TAS2R1: variants seen among roughly 807,000 people sequenced by gnomAD.
TAS2R1 encodes taste 2 receptor member 1.
For synonymous variants in TAS2R1, 141 were observed against 134.2 expected, an observed-to-expected ratio of 1.05 and a Z score of -0.35; for missense variants, 370 against 353.4, an observed-to-expected ratio of 1.05 and a Z score of -0.38.
the TAS2R1 span, among the ~76,000 whole-genome samples, chr5:9,891,440 G>A: frequency 8.6e-5 from 13 of 152,034 alleles, no homozygotes; most frequent in Non-Finnish European, 1.6e-4. Context: ...TCCTAACATG[G>A]TAAGTATCTG....
intron 1 of TAS2R1, among the ~76,000 whole-genome samples, chr5:9,660,570 A>T (rs1316522485): frequency 6.6e-6 from 1 of 152,164 alleles, no homozygotes; most frequent in African/African-American, 2.4e-5. Context: ...GCATCCAAAC[A>T]TCCTGTGCCT....
At chr5:9,845,572 C>A in the TAS2R1 span, among the ~76,000 whole-genome samples, 1 of 152,026 alleles carries the variant, frequency 6.6e-6, no homozygotes, top group Non-Finnish European at 1.5e-5. Context: ...AAGTATGGTG[C>A]ATTAATTCAA....
chr5:9,672,193 A>G (rs1038778048), intron 1 of TAS2R1, among the ~76,000 whole-genome samples: 11 of 152,220 alleles, frequency 7.2e-5, no homozygotes, highest in African/African-American at 2.4e-4. Flanking sequence ...AAACCCTTGA[A>G]GATAACCTAG....
the TAS2R1 span, among the ~76,000 whole-genome samples, chr5:9,811,155 C>T: frequency 6.6e-6 from 1 of 152,116 alleles, no homozygotes; most frequent in Non-Finnish European, 1.5e-5. Context: ...CTAAAAGAGG[C>T]CCCAGAGAGC....
At chr5:9,728,559 T>G in the TAS2R1 span, among the ~76,000 whole-genome samples, 8 of 152,304 alleles carry the variant, frequency 5.3e-5, no homozygotes, top group South Asian at 8.3e-4. Flanking sequence ...AAAAATGAAT[T>G]TACCCAAATG....
At chr5:9,794,301 T>C in the TAS2R1 span, among the ~76,000 whole-genome samples, 1 of 152,170 alleles carries the variant, frequency 6.6e-6, no homozygotes, top group Non-Finnish European at 1.5e-5. Flanking sequence ...ATTTATTATA[T>C]TTATAAGAGC....
At chr5:9,793,595 C>A in the TAS2R1 span, among the ~76,000 whole-genome samples, 5 of 152,186 alleles carry the variant, frequency 3.3e-5, no homozygotes, top group African/African-American at 1.2e-4. Context: ...TGCTCCGCTG[C>A]AGTTCTCAGT....
the TAS2R1 span, among the ~76,000 whole-genome samples, chr5:9,882,353 C>T: frequency 2.6e-5 from 4 of 152,052 alleles, no homozygotes; most frequent in East Asian, 1.9e-4. Flanking sequence ...AATGGCTGGG[C>T]GCAGTGGCTC....
At chr5:9,723,010 C>A in the TAS2R1 span, among the ~76,000 whole-genome samples, 1 of 152,194 alleles carries the variant, frequency 6.6e-6, no homozygotes, top group Non-Finnish European at 1.5e-5. Context: ...CTTGAGTGGG[C>A]AACCTGCCTC....
At chr5:9,777,117 G>A in the TAS2R1 span, among the ~76,000 whole-genome samples, 2 of 152,260 alleles carry the variant, frequency 1.3e-5, no homozygotes, top group Admixed American at 1.3e-4. Flanking sequence ...CTGAAGGCTG[G>A]GCTGGCTGTG....
intron 1 of TAS2R1, among the ~76,000 whole-genome samples, chr5:9,710,196 C>A (rs903507612): frequency 6.6e-6 from 1 of 152,124 alleles, no homozygotes. Context: ...CAAAGGATTG[C>A]CTGTCTTCTT....
intron 1 of TAS2R1, among the ~76,000 whole-genome samples, chr5:9,702,855 G>A (rs1041117593): frequency 3.3e-5 from 5 of 151,960 alleles, no homozygotes; most frequent in Admixed American, 6.6e-5. Flanking sequence ...GTCAGATGGA[G>A]GGAGAAAGAA....
chr5:9,632,532 A>G (rs1274676652), upstream of TAS2R1, among the ~76,000 whole-genome samples: 3 of 152,192 alleles, frequency 2.0e-5, no homozygotes, highest in Non-Finnish European at 2.9e-5. Context: ...CCCCAGTAGA[A>G]CTTTCAAAAC....
upstream of TAS2R1, among the ~76,000 whole-genome samples, chr5:9,633,767 C>T (rs1739920137): frequency 6.6e-6 from 1 of 151,790 alleles, no homozygotes; most frequent in Non-Finnish European, 1.5e-5. Flanking sequence ...TATTCATGTC[C>T]TTTGCCCATG....
chr5:9,788,512 T>C, the TAS2R1 span, among the ~76,000 whole-genome samples: 1 of 152,158 alleles, frequency 6.6e-6, no homozygotes, highest in Non-Finnish European at 1.5e-5. Context: ...TAAAAACCCG[T>C]GAGAGCTAAT....
At chr5:9,766,397 T>A in the TAS2R1 span, among the ~76,000 whole-genome samples, 1 of 152,206 alleles carries the variant, frequency 6.6e-6, no homozygotes, top group South Asian at 2.1e-4. Flanking sequence ...AAAACAGACT[T>A]CAGGCCCTTT....
At chr5:9,873,542 G>GGA in the TAS2R1 span, among the ~76,000 whole-genome samples, 1 of 151,800 alleles carries the variant, frequency 6.6e-6, no homozygotes, top group East Asian at 1.9e-4. Flanking sequence ...ATCCTGAGTG[G>GGA]GAGATTAGGA....
chr5:9,765,298 T>A, the TAS2R1 span, among the ~76,000 whole-genome samples: 2 of 152,192 alleles, frequency 1.3e-5, no homozygotes, highest in Non-Finnish European at 2.9e-5. Context: ...TATTCTTGTC[T>A]TAAGAGAGAC....
intron 2 of TAS2R1, among the ~76,000 whole-genome samples, chr5:9,636,205 T>C (rs1739960522): frequency 6.6e-6 from 1 of 152,136 alleles, no homozygotes; most frequent in Admixed American, 6.5e-5. Flanking sequence ...CCAAAGATTA[T>C]TCAAGAGCAG....
Sources: allele counts gnomAD v4.1 joint callset (sites outside exome capture counted in the v4.1 genomes callset), GRCh38; gene constraint gnomAD v4.1.1; transcripts MANE v1.5; gene names NCBI Gene and HGNC (gene_info 2026-07-23, HGNC 2026-07-21).